The following CNOT4 variants were observed in gnomAD, a reference collection of about 807,000 sequenced individuals.
The protein encoded by CNOT4 is CCR4-associated factor 4.
Under a neutral mutation model 73.8 loss-of-function variants are expected in CNOT4, and 8 were observed. The ratio of observed to expected loss-of-function variants is 0.11; its 90% CI spans 0.06 to 0.20. The LOEUF (loss-of-function observed/expected upper bound fraction) is 0.20, where lower values mean the gene tolerates loss of function less well. Ranked by LOEUF, CNOT4 falls within the 10% of genes least tolerant of loss-of-function variation. The probability of loss-of-function intolerance (pLI) is 1.00; values close to 1 mark genes in which losing one functional copy is unlikely to be tolerated. For missense variants in CNOT4, 564 were observed against 883.4 expected (o/e 0.64, Z 4.58); for synonymous variants, 293 against 321.1 (o/e 0.91, Z 0.94).
chr7:135,454,734 G>A (rs907759688), intron 1 of CNOT4, among the ~76,000 whole-genome samples: 2 of 151,788 alleles, frequency 1.3e-5, no homozygotes, highest in African/African-American at 4.8e-5. Context: ...TCTACAAAAA[G>A]TACAATAATG....
At chr7:135,376,300 A>G (rs578006615) in intron 10 of CNOT4, among the ~76,000 whole-genome samples, 55 of 152,242 alleles carry the variant, frequency 3.6e-4, no homozygotes, top group African/African-American at 1.2e-3. Context: ...TTTTCTCTGG[A>G]GCTTGATGCT....
chr7:135,494,579 C>A (rs999255260), intron 1 of CNOT4, among the ~76,000 whole-genome samples: 2 of 151,460 alleles, frequency 1.3e-5, no homozygotes, highest in Non-Finnish European at 2.9e-5. Flanking sequence ...AAATATTGAG[C>A]ACCTATTATG....
intron 9 of CNOT4, among the ~76,000 whole-genome samples, chr7:135,394,838 T>C (rs1033784201): frequency 6.6e-6 from 1 of 152,188 alleles, no homozygotes; most frequent in East Asian, 1.9e-4. Flanking sequence ...AAAAATATAA[T>C]TTAATTAAAA....
chr7:135,431,879 T>A (rs1798870591), intron 2 of CNOT4, among the ~76,000 whole-genome samples: 1 of 152,166 alleles, frequency 6.6e-6, no homozygotes, highest in Non-Finnish European at 1.5e-5. Flanking sequence ...TGTAAAGATA[T>A]ACCTTATTCA....
chr7:135,463,792 A>T (rs1461647406), intron 1 of CNOT4, among the ~76,000 whole-genome samples: 3 of 152,074 alleles, frequency 2.0e-5, no homozygotes, highest in Non-Finnish European at 4.4e-5. Flanking sequence ...CATCTGACAA[A>T]GGTCTAATAT....
chr7:135,435,757 T>C (rs1003241475), intron 2 of CNOT4, among the ~76,000 whole-genome samples: 5 of 152,208 alleles, frequency 3.3e-5, no homozygotes, highest in African/African-American at 7.2e-5. Flanking sequence ...TTCTGTTTAC[T>C]GCAAGATTCT....
chr7:135,454,509 A>T (rs983328350), intron 1 of CNOT4, among the ~76,000 whole-genome samples: 2 of 97,394 alleles, frequency 2.1e-5, no homozygotes, highest in African/African-American at 3.4e-5. Flanking sequence ...AAAATTAATT[A>T]AAAAATTAAA....
chr7:135,477,410 A>G (rs1259782251), intron 1 of CNOT4, among the ~76,000 whole-genome samples: 2 of 152,098 alleles, frequency 1.3e-5, no homozygotes, highest in African/African-American at 2.4e-5. Flanking sequence ...ATAAAAGGAC[A>G]CCCATTAACT....
chr7:135,403,556 A>C (rs6952845), intron 7 of CNOT4, among the ~76,000 whole-genome samples: 76,151 of 151,944 alleles, frequency 0.5, 19,265 homozygotes, highest in Middle Eastern at 0.6. Context: ...GAATTAGAGG[A>C]CAGCCTGGGC....
intron 2 of CNOT4, among the ~76,000 whole-genome samples, chr7:135,433,715 T>A (rs543954531): frequency 2.7e-3 from 411 of 152,270 alleles, no homozygotes; most frequent in Admixed American, 4.9e-3. Context: ...GAAATAAAAA[T>A]AATAATACTT....
At chr7:135,393,083 C>CT (rs908478141) in intron 10 of CNOT4, among the ~76,000 whole-genome samples, 1 of 152,072 alleles carries the variant, frequency 6.6e-6, no homozygotes. Flanking sequence ...GAGGAACAAA[C>CT]TTTTTTTAAC....
chr7:135,427,249 C>T (rs1261431811), intron 2 of CNOT4, among the ~76,000 whole-genome samples: 1 of 151,992 alleles, frequency 6.6e-6, no homozygotes, highest in Non-Finnish European at 1.5e-5. Context: ...CTTCTCTTTA[C>T]TTTTTATTAA....
intron 10 of CNOT4, chr7:135,388,377 C>G (rs1796229533): frequency 1.0e-6 from 1 of 984,654 alleles, no homozygotes; most frequent in East Asian, 1.1e-4. Flanking sequence ...ATGCAATAGA[C>G]ATTATCTTGT....
chr7:135,420,589 A>T (rs565833344), intron 3 of CNOT4, among the ~76,000 whole-genome samples: 56 of 151,212 alleles, frequency 3.7e-4, no homozygotes, highest in Admixed American at 8.6e-4. Flanking sequence ...AAAAAAAAAA[A>T]AAAAAAAAAA....
chr7:135,416,490 T>C (rs556327613), intron 3 of CNOT4, among the ~76,000 whole-genome samples: 1 of 152,290 alleles, frequency 6.6e-6, no homozygotes, highest in East Asian at 1.9e-4. Context: ...AGGGATATGA[T>C]AGTAACAGTG....
intron 10 of CNOT4, among the ~76,000 whole-genome samples, chr7:135,392,487 T>C (rs1463372455): frequency 2.0e-5 from 3 of 152,114 alleles, no homozygotes; most frequent in African/African-American, 7.2e-5. Context: ...TCTCAATGAT[T>C]AAAGCAAAGT....
chr7:135,509,262 T>C (rs1242493220), intron 1 of CNOT4: 1 of 152,348 alleles, frequency 6.6e-6, no homozygotes, highest in Non-Finnish European at 1.5e-5. Context: ...AGCTTTAAGA[T>C]GACAGATGTG....
intron 1 of CNOT4, among the ~76,000 whole-genome samples, chr7:135,458,343 A>C (rs1259682908): frequency 6.6e-6 from 1 of 152,110 alleles, no homozygotes; most frequent in African/African-American, 2.4e-5. Context: ...AGACAGTCAC[A>C]GTCTTTTTGC....
intron 10 of CNOT4, chr7:135,384,420 G>A: frequency 2.6e-6 from 1 of 386,964 alleles, no homozygotes; most frequent in South Asian, 2.6e-5. Context: ...GAGTAGCTGG[G>A]GCTACAGGTG....
Sources: allele counts gnomAD v4.1 joint callset (sites outside exome capture counted in the v4.1 genomes callset), GRCh38; gene constraint gnomAD v4.1.1; transcripts MANE v1.5; gene names NCBI Gene and HGNC (gene_info 2026-07-23, HGNC 2026-07-21).